Variants in KRT9 observed in about 807,000 individuals in gnomAD.
The protein encoded by KRT9 is keratin 9, also known as keratin, type I cytoskeletal 9.
Under a neutral mutation model 51.4 loss-of-function variants are expected in KRT9, and 34 were observed. The observed-to-expected ratio is 0.66, with a 90% CI of 0.50 to 0.88. The LOEUF is 0.88. KRT9 is among the 40% of genes least tolerant of loss of function. The pLI, the probability that KRT9 is intolerant of heterozygous loss-of-function variation, is 0.00. For missense variants in KRT9, 753 were observed against 790.3 expected (o/e 0.95, Z 0.57); for synonymous variants, 292 against 289.7 (o/e 1.01, Z -0.08).
Position 41,568,188 on chromosome 17 carries a change from G to A in KRT9, c.1368C>T (p.Asn456=), listed in dbSNP as rs1013565187. 1 of 1,613,976 alleles carries A rather than the reference G, an allele frequency of 6.2e-7. No homozygotes were observed. Among genetic ancestry groups the A allele is most frequent in the Non-Finnish European group, 8.5e-7 (1 of 1,180,010 alleles). ...AGTCTTCCTGGCCTCCCTCAAGGAGGTTGTGGTAGGTCTCGATTTCCTTCT... is the reference window on the plus strand; with the variant it reads ...AGTCTTCCTGGCCTCCCTCAAGGAGATTGTGGTAGGTCTCGATTTCCTTCT... ...RLEKEIETYH[N]LLEGGQEDFE... Residue 456 remains asparagine (N), a synonymous_variant, in exon 6 of 8, where the codon AAC becomes AAT. Transcript: ENST00000246662.
In KRT9 at chr17:41,568,293, G is replaced by A. The variant is rs756544205; in HGVS notation, c.1263C>T (p.Ala421=). ...TCTCTTGCCGGACGTCAGTGATCTG[G>A]GCCTCCAAGTTACTGATCTGCTCCT... ...MIQEQISNLE[A]QITDVRQEIE... The change falls in exon 6 of 8, where the codon GCC becomes GCT. Residue 421 remains alanine, a synonymous_variant. Coordinates refer to ENST00000246662, the MANE Select transcript of KRT9 (RefSeq NM_000226.4). 1.9e-6 allele frequency: 3 copies of A among 1,614,114 alleles called. No individual in the cohort carries two copies. The highest frequency in any genetic ancestry group is 1.7e-4 in the Middle Eastern group (1 of 6,060).
rs1023336943 is a variant in KRT9 at position 41,569,708 on chromosome 17, C to A, written c.883-121G>T. ...ACACAGTTGTGAAGCCAAAGCCCAA[C>A]CACTACCATAGGTGATGCCAAGGAG... On this transcript the variant is annotated intron_variant, in intron 3 of 7. Coordinates refer to ENST00000246662, the MANE Select transcript of KRT9 (RefSeq NM_000226.4). 4 of 1,482,888 alleles carry A rather than the reference C, an allele frequency of 2.7e-6. No individual in the cohort carries two copies. In the Admixed American group the frequency reaches 5.0e-5, roughly 19 times the overall value. 91.9% of individuals were successfully genotyped at this position (1,482,888 alleles called of 1,614,324 possible). A position where few individuals can be genotyped will look rare whatever the true frequency, so the allele number is the denominator to read the frequency against.
At chr17:41,569,394 A>C in intron 4 of KRT9, 32 bp downstream of exon 4, 1 of 1,605,738 alleles carries the variant, frequency 6.2e-7, no homozygotes, top group Non-Finnish European at 8.5e-7. Context: ...GATGGAGGGG[A>C]GGAGGATGAA....
rs1343817122 is a variant in KRT9, at chr17:41,569,914, A to G, written c.827T>C (p.Met276Thr). 1 of 1,614,152 alleles carries G rather than the reference A, an allele frequency of 6.2e-7. No homozygotes were observed. Among genetic ancestry groups the G allele is most frequent in the Non-Finnish European group, 8.5e-7 (1 of 1,180,032 alleles). ...NLTMEKSDLE[M>T]QYETLQEELM... ...CTCCTCCTGCAGAGTCTCATACTGC[A>G]TCTCCAGGTCAGACTTCTCCATGGT... The change falls in exon 3 of 8, where the codon ATG (methionine) becomes ACG (threonine). Residue 276 changes from methionine to threonine, a missense_variant. By Grantham distance (81) the Met-to-Thr change is moderately conservative. Around this residue, in one of 3 missense-constraint regions of KRT9, gnomAD observed 507 missense variants for 563.7 expected, o/e 0.90. Transcript: ENST00000246662.
At chr17:41,568,965 C>G (rs1015920788) in intron 4 of KRT9, among the ~76,000 whole-genome samples, 2 of 148,640 alleles carry the variant, frequency 1.3e-5, no homozygotes, top group African/African-American at 4.9e-5. Flanking sequence ...CAGCACAGAC[C>G]ATGCCTTCAT....
At position 41,569,890 on chromosome 17, in the gene KRT9, T is replaced by A. The variant is rs1907017101; in HGVS notation, c.851A>T (p.Glu284Val). The change falls in exon 3 of 8, where the codon GAG becomes GTG. Residue 284 changes from glutamate to valine, a missense_variant. Glu to Val is a moderately radical substitution (Grantham distance 121). Coordinates refer to ENST00000246662, the MANE Select transcript of KRT9 (RefSeq NM_000226.4). ...LEMQYETLQE[E>V]LMALKKNHKE... ...ATGATTCTTCTTGAGGGCCATCAGC[T>A]CCTCCTGCAGAGTCTCATACTGCAT... The A allele has an allele frequency of 3.1e-6, 5 of 1,614,034 alleles. No homozygotes were observed. Among genetic ancestry groups the A allele is most frequent in the Non-Finnish European group, 4.2e-6 (5 of 1,180,048 alleles).
intron 4 of KRT9, among the ~76,000 whole-genome samples, chr17:41,568,907 A>G (rs1459035246): frequency 1.2e-5 from 1 of 81,640 alleles, no homozygotes; most frequent in East Asian, 4.0e-4. Flanking sequence ...CCACCTTTCA[A>G]ACATACACAC....
chr17:41,567,877 A>T, intron 6 of KRT9, 127 bp from the exon 7 acceptor site: 1 of 1,543,086 alleles, frequency 6.5e-7, no homozygotes, highest in Non-Finnish European at 8.7e-7. Flanking sequence ...GGCAGAGGAC[A>T]GAGTCTGGGC....
chr17:41,567,682 C>T lies in KRT9; in HGVS notation c.1463G>A (p.Gly488Glu). Residue 488 changes from glycine (G) to glutamate (E), a missense_variant, in exon 7 of 8, where the codon GGA (glycine) becomes GAA (glutamate). Physicochemically the swap from Gly to Glu is moderately conservative, Grantham distance 98. This residue lies in a region of KRT9 where 507 missense variants were observed against 563.7 expected (regional missense o/e 0.90). Coordinates refer to ENST00000246662, the MANE Select transcript of KRT9 (RefSeq NM_000226.4). The stretch of plus-strand genomic sequence containing the variant: ...GCTGCCTCCACTTCCTCCCCTGGAT[C>T]CTCTTCCATAACTGCCTCCACTTCC... ...RGGSGGSYGR[G>E]SRGGSGGSYG... 6.2e-7 allele frequency: 1 copy of T among 1,613,600 alleles called. No homozygotes were observed. Among genetic ancestry groups the T allele is most frequent in the African/African-American group, 1.3e-5 (1 of 75,054 alleles).
At chr17:41,568,686 G>A (rs188549779) in intron 4 of KRT9, 53 bp from the exon 5 acceptor site, 1 of 1,611,914 alleles carries the variant, frequency 6.2e-7, no homozygotes, top group Admixed American at 1.7e-5. Flanking sequence ...GCTTCAGTGA[G>A]TGAGATTCTG....
chr17:41,571,328 CAGAG>C lies in KRT9; in HGVS notation c.642+19_642+22del. 6.3e-7 allele frequency: 1 copy of C among 1,597,084 alleles called. No homozygotes were observed. The highest frequency in any genetic ancestry group is 8.6e-7 in the Non-Finnish European group (1 of 1,164,462). On this transcript the variant is annotated intron_variant, in intron 1 of 7. Transcript: ENST00000246662. ...AGAATGAAAGAGAAAGAGACCAAGA[CAGAG>C]ACAGTTTCCTGCACCTACCTGGTCC...
chr17:41,569,412 C>G lies in KRT9; in HGVS notation c.1044+14G>C, dbSNP rs1182551939. 2 of 1,612,674 alleles carry G rather than the reference C, an allele frequency of 1.2e-6. No individual in the cohort carries two copies. The highest frequency in any genetic ancestry group is 2.2e-5 in the East Asian group (1 of 44,880). On this transcript the variant is annotated intron_variant, in intron 4 of 7. Transcript: ENST00000246662. ...GGAGGGGAGGAGGATGAATGGGCAG[C>G]CCACTCTGCTCACCTGAGTCTCATA...
At chr17:41,566,811 T>C (rs1236010270) in intron 7 of KRT9, among the ~76,000 whole-genome samples, 1 of 152,206 alleles carries the variant, frequency 6.6e-6, no homozygotes, top group Admixed American at 6.5e-5. Flanking sequence ...CTGTTGCTGA[T>C]CCAGGTCCCC....
Position 41,568,511 on chromosome 17 carries a change from G to A in KRT9, c.1167C>T (p.Ser389=). The change falls in exon 5 of 8, where the codon AGC becomes AGT. Residue 389 remains serine (S), a synonymous_variant. Coordinates refer to ENST00000246662, the MANE Select transcript of KRT9 (RefSeq NM_000226.4). ...GGTCTATAGCAGAACTACCAACCTT[G>A]CTGAGCTGAGACTGCAGCTCAATCT... ...ELEIELQSQL[S]KKAALEKSLE... is the part of the protein sequence containing the mutation. The A allele has an allele frequency of 6.2e-7, 1 of 1,614,152 alleles. No individual in the cohort carries two copies. The highest frequency in any genetic ancestry group is 8.5e-7 in the Non-Finnish European group (1 of 1,180,024).
rs368867438 is a variant in KRT9, at chr17:41,567,413, A to G, written c.1732T>C (p.Ser578Pro). ...TGGCTGCCTCCACTTCCTCCCCTGG[A>G]CCCACTTCCTCCACCATAGCCACCC... ...SGGGYGGGSG[S>P]RGGSGGSHGG... Residue 578 changes from serine (S) to proline (P), a missense_variant, in exon 7 of 8, where the codon TCC (serine) becomes CCC (proline). Physicochemically the swap from Ser to Pro is moderately conservative, Grantham distance 74. Around this residue, in one of 3 missense-constraint regions of KRT9, gnomAD observed 507 missense variants for 563.7 expected, o/e 0.90. Transcript: ENST00000246662. The G allele has an allele frequency of 1.3e-6, 2 of 1,575,880 alleles. No individual in the cohort carries two copies. Among genetic ancestry groups the G allele is most frequent in the Non-Finnish European group, 1.7e-6 (2 of 1,159,976 alleles).
chr17:41,568,238 G>A lies in KRT9; in HGVS notation c.1318C>T (p.Leu440=), dbSNP rs542825558. 3.1e-6 allele frequency: 5 copies of A among 1,614,064 alleles called. No individual in the cohort carries two copies. Among genetic ancestry groups the A allele is most frequent in the Non-Finnish European group, 4.2e-6 (5 of 1,180,034 alleles). The change falls in exon 6 of 8, where the codon CTG becomes TTG. Residue 440 remains leucine (L), a synonymous_variant. Transcript: ENST00000246662. ...IECQNQEYSL[L]LSIKMRLEKE... is the part of the protein sequence containing the mutation. ...TCCAGCCGCATCTTAATGCTGAGCAGAAGGCTGTATTCCTGATTCTGGCAC... is the reference window on the plus strand; with the variant it reads ...TCCAGCCGCATCTTAATGCTGAGCAAAAGGCTGTATTCCTGATTCTGGCAC...
Position 41,570,047 on chromosome 17 carries a change from A to G in KRT9, c.726-32T>C, listed in dbSNP as rs753910670. 1.9e-5 allele frequency: 30 copies of G among 1,614,066 alleles called. No homozygotes were observed. The South Asian group carries it at 1.9e-4, about 10-fold the overall frequency. ...ACCAGCCAGGGTTAGAAAACAATCAAGAGGGAACCAGGCCCTACCAGGACC... is the reference window on the plus strand; with the variant it reads ...ACCAGCCAGGGTTAGAAAACAATCAGGAGGGAACCAGGCCCTACCAGGACC... On this transcript the variant is annotated intron_variant, in intron 2 of 7. Coordinates refer to ENST00000246662, the MANE Select transcript of KRT9 (RefSeq NM_000226.4).
Position 41,571,381 on chromosome 17 carries a change from A to T in KRT9, c.612T>A (p.Tyr204Ter), listed in dbSNP as rs1392585863. The change falls in exon 1 of 8, where the codon TAT becomes TAA. Residue 204 changes from tyrosine (Y) to a stop codon, truncating the protein, a stop_gained. Transcript: ENST00000246662. LOFTEE classifies it high-confidence loss of function. ...PAAIQKNYSP[Y>*]YNTIDDLKDQ... ...CCTTGAGATCATCAATAGTGTTATA[A>T]TAAGGGGAGTAGTTCTTCTGGATAG... 6.2e-7 allele frequency: 1 copy of T among 1,614,102 alleles called. No homozygotes were observed. Among genetic ancestry groups the T allele is most frequent in the Non-Finnish European group, 8.5e-7 (1 of 1,180,010 alleles).
Position 41,571,878 on chromosome 17 carries a change from C to G in KRT9, c.115G>C (p.Gly39Arg), listed in dbSNP as rs556615807. The change falls in exon 1 of 8, where the codon GGG (glycine) becomes CGG (arginine). Residue 39 changes from glycine (G) to arginine (R), a missense_variant. Physicochemically the swap from Gly to Arg is moderately radical, Grantham distance 125 (BLOSUM62 -2). Transcript: ENST00000246662. Reference protein sequence around the residue: ...RSSYSRFSSSGGGGGGGRFSS... With the variant: ...RSSYSRFSSSRGGGGGGRFSS... ...AATCGGCCCCCTCCTCCACCGCCCC[C>G]TGAGGAGCTGAAGCGGCTGTAGGAA... 1 of 1,611,842 alleles carries G rather than the reference C, an allele frequency of 6.2e-7. No individual in the cohort carries two copies. The highest frequency in any genetic ancestry group is 8.5e-7 in the Non-Finnish European group (1 of 1,179,012).
Sources: allele counts gnomAD v4.1 joint callset (sites outside exome capture counted in the v4.1 genomes callset), GRCh38; gene constraint gnomAD v4.1.1; regional missense constraint gnomAD v4.1.1; transcripts MANE v1.5; gene names NCBI Gene and HGNC (gene_info 2026-07-23, HGNC 2026-07-21).